PEAR1: variants seen among roughly 807,000 people sequenced by gnomAD.
PEAR1 encodes the protein multiple EGF-like domains protein 12.
Under a neutral mutation model 131.2 loss-of-function variants are expected in PEAR1, and 113 were observed. The observed-to-expected ratio is 0.86, with a 90% CI of 0.74 to 1.01. PEAR1 has a LOEUF of 1.01. PEAR1 is among the 50% of genes least tolerant of loss of function. The probability of loss-of-function intolerance (pLI) is 0.00; values close to 1 mark genes in which losing one functional copy is unlikely to be tolerated. For missense variants in PEAR1, 1,408 were observed against 1,391.1 expected (o/e 1.01, Z -0.19); for synonymous variants, 565 against 523.3 (o/e 1.08, Z -1.09).
At chr1:156,911,036 TTTTTCTTTCTTTC>T (rs1466207509) in intron 15 of PEAR1, among the ~76,000 whole-genome samples, 1 of 145,144 alleles carries the variant, frequency 6.9e-6, no homozygotes, top group East Asian at 2.0e-4. Flanking sequence ...TCTTGATTTC[TTTTTCTTTCTTTC>T]TTTCTTTCTT....
intron 20 of PEAR1, 34 bp from the exon 21 acceptor site, chr1:156,913,658 G>A (rs757060380): frequency 3.9e-5 from 62 of 1,609,744 alleles, no homozygotes; most frequent in Non-Finnish European, 5.3e-5. Context: ...GGAGGGGACA[G>A]AGGGCTGATT....
rs576198315 is a variant in PEAR1 at position 156,908,886 on chromosome 1, C to G, written c.1291-30C>G. 1 of 1,610,176 alleles carries G rather than the reference C, an allele frequency of 6.2e-7. No homozygotes were observed. On this transcript the variant is annotated intron_variant, in intron 10 of 22. Transcript: ENST00000292357. The surrounding 1 kb of genome is among the most constrained non-coding windows in gnomAD (Gnocchi z 4.2). ...CAGGTGGAGAGGCCAAGGAATGGGC[C>G]GCCCCTCTCACCCGCTCACCCTCTT...
intron 3 of PEAR1, 37 bp from the exon 4 acceptor site, chr1:156,905,287 C>A: frequency 6.3e-7 from 1 of 1,594,026 alleles, no homozygotes; most frequent in Admixed American, 1.7e-5. Flanking sequence ...GTGCGGACAG[C>A]AGGGAGGGCT....
chr1:156,908,039 A>T lies in PEAR1; in HGVS notation c.890A>T (p.Tyr297Phe). The stretch of plus-strand genomic sequence containing the variant: ...GGGCAGTGCCGCTGCGCTCCGGGTT[A>T]CACTGGGGATCGGTGAGTGGCGTGG... ...FTGQCRCAPG[Y>F]TGDRCREECP... Residue 297 changes from tyrosine (Y) to phenylalanine (F), a missense_variant, in exon 8 of 23, where the codon TAC becomes TTC. Coordinates refer to ENST00000292357, the MANE Select transcript of PEAR1 (RefSeq NM_001080471.3). This position sits in a 1 kb window ranked among gnomAD's most constrained non-coding sequence, Gnocchi z 4.2. The T allele has an allele frequency of 3.3e-6, 5 of 1,510,212 alleles. No homozygotes were observed. The highest frequency in any genetic ancestry group is 4.5e-6 in the Non-Finnish European group (5 of 1,118,614). The allele number at this position is 1,510,212 out of a possible 1,614,324, so 93.6% of individuals were successfully genotyped here. A position where few individuals can be genotyped will look rare whatever the true frequency, so the allele number is the denominator to read the frequency against.
In PEAR1 at chr1:156,908,608, G is replaced by T. The variant is rs1178976049; in HGVS notation, c.1116-47G>T. 5.9e-5 allele frequency: 86 copies of T among 1,466,294 alleles called. No individual in the cohort carries two copies. The highest frequency in any genetic ancestry group is 7.2e-5 in the Non-Finnish European group (80 of 1,107,228). The allele number at this position is 1,466,294 out of a possible 1,614,324, so 90.8% of individuals were successfully genotyped here. Reference sequence around the variant, plus strand: ...CGCGGAGGGGTCGGGAAGCTGCCCTGCCCCTGCCCAGCTCAGACCGCGCCA... The same window carrying T: ...CGCGGAGGGGTCGGGAAGCTGCCCTTCCCCTGCCCAGCTCAGACCGCGCCA... On this transcript the variant is annotated intron_variant, in intron 9 of 22. Coordinates refer to ENST00000292357, the MANE Select transcript of PEAR1 (RefSeq NM_001080471.3). This position sits in a 1 kb window ranked among gnomAD's most constrained non-coding sequence, Gnocchi z 4.2.
In PEAR1 at chr1:156,911,826, T is replaced by C. The variant is rs147227907; in HGVS notation, c.1952-421T>C. ...AGAAGGAAGTCATCTTGGTGAAGAG[T>C]TTTTCCATAGACTCTGGTTACAACT... On this transcript the variant is annotated intron_variant, in intron 15 of 22. Transcript: ENST00000292357. Among the ~76,000 whole-genome samples, 1,318 of 151,668 alleles carry C rather than the reference T, an allele frequency of 8.7e-3. 16 individuals carry two copies. Among genetic ancestry groups the C allele is most frequent in the African/African-American group, 0.03 (1,225 of 41,330 alleles).
chr1:156,913,080 A>G, intron 18 of PEAR1, 98 bp downstream of exon 18: 4 of 1,560,954 alleles, frequency 2.6e-6, no homozygotes, highest in Non-Finnish European at 3.5e-6. Context: ...AGGAGTGGGG[A>G]GGAGGGAGGA....
In PEAR1 at chr1:156,915,170, A is replaced by T. The variant is rs191927641; in HGVS notation, c.*372A>T. The T allele has an allele frequency of 3.2e-5, 6 of 187,904 alleles. No individual in the cohort carries two copies. Among genetic ancestry groups the T allele is most frequent in the African/African-American group, 4.7e-5 (2 of 42,688 alleles). 11.6% of individuals were successfully genotyped at this position (187,904 alleles called of 1,614,324 possible). A position where few individuals can be genotyped will look rare whatever the true frequency, so the allele number is the denominator to read the frequency against. On this transcript the variant is annotated 3_prime_UTR_variant, in exon 23 of 23. Transcript: ENST00000292357. The stretch of plus-strand genomic sequence containing the variant: ...GTTTCTGTGATTTTAGAAGGGTACC[A>T]GGCACAGGTTCTGTCCTAGGGCACT...
At chr1:156,895,515 G>C (rs775801882) in intron 1 of PEAR1, among the ~76,000 whole-genome samples, 1 of 152,230 alleles carries the variant, frequency 6.6e-6, no homozygotes, top group Non-Finnish European at 1.5e-5. Flanking sequence ...ACCTACAGGG[G>C]AGAAGCCAGA....
rs745468078 is a variant in PEAR1 at position 156,911,200 on chromosome 1, T to TTTTC, written c.1951+474_1951+477dup. Among the ~76,000 whole-genome samples the TTTTC allele has an allele frequency of 8.2e-4, 94 of 114,262 alleles. 2 individuals are homozygous for TTTTC. Among genetic ancestry groups the TTTTC allele is most frequent in the African/African-American group, 3.2e-3 (85 of 26,684 alleles). 75.0% of individuals were successfully genotyped at this position (114,262 alleles called of 152,430 possible). ...CTTTTCTTTCTTCTTTCTTTCTTTC[T>TTTTC]TTTCTTTCTTTCTTTCTTTCCTTTC... On this transcript the variant is annotated intron_variant, in intron 15 of 22. Coordinates refer to ENST00000292357, the MANE Select transcript of PEAR1 (RefSeq NM_001080471.3).
intron 1 of PEAR1, among the ~76,000 whole-genome samples, chr1:156,903,174 G>A (rs1219131840): frequency 1.3e-5 from 2 of 152,126 alleles, no homozygotes; most frequent in South Asian, 2.1e-4. Flanking sequence ...CTCTGGGCCC[G>A]TATGAGGTGG....
At chr1:156,895,217 TCTC>T (rs1319783232) in intron 1 of PEAR1, among the ~76,000 whole-genome samples, 2 of 152,044 alleles carry the variant, frequency 1.3e-5, no homozygotes, top group East Asian at 1.9e-4. Flanking sequence ...CCCCTCAACA[TCTC>T]CTATCAGACT....
intron 1 of PEAR1, among the ~76,000 whole-genome samples, chr1:156,898,035 G>C (rs1404133703): frequency 6.6e-6 from 1 of 152,096 alleles, no homozygotes; most frequent in African/African-American, 2.4e-5. Context: ...TGTCACCCAG[G>C]GTTTACCTCC....
At chr1:156,909,671 T>A in intron 11 of PEAR1, 80 bp from the exon 12 acceptor site, 1 of 1,462,258 alleles carries the variant, frequency 6.8e-7, no homozygotes, top group Non-Finnish European at 9.3e-7. Context: ...GCATAGAATC[T>A]GGCCCAGCCA....
Position 156,908,316 on chromosome 1 carries a change from C to T in PEAR1, c.1091C>T (p.Thr364Ile). Reference sequence around the variant, plus strand: ...GGTCTCAGCTGCCAGGCCCCCTGCACCTGCGACCGGGAGCACAGCCTCAGG... The same window carrying T: ...GGTCTCAGCTGCCAGGCCCCCTGCATCTGCGACCGGGAGCACAGCCTCAGG... ...FYGLSCQAPC[T>I]CDREHSLSCH... is the part of the protein sequence containing the mutation. The change falls in exon 9 of 23, where the codon ACC (threonine) becomes ATC (isoleucine). Residue 364 changes from threonine (T) to isoleucine (I), a missense_variant. Physicochemically the swap from Thr to Ile is moderately conservative, Grantham distance 89. Transcript: ENST00000292357. The surrounding 1 kb of genome is among the most constrained non-coding windows in gnomAD (Gnocchi z 4.2). 2 of 1,552,666 alleles carry T rather than the reference C, an allele frequency of 1.3e-6. No individual in the cohort carries two copies. The highest frequency in any genetic ancestry group is 1.7e-6 in the Non-Finnish European group (2 of 1,153,238).
chr1:156,905,544 T>G (rs895734377), intron 4 of PEAR1, 120 bp downstream of exon 4: 4 of 859,418 alleles, frequency 4.7e-6, no homozygotes, highest in Middle Eastern at 2.9e-4. Flanking sequence ...CCCTTTTGGG[T>G]TCCCCCCTCC....
intron 13 of PEAR1, 58 bp downstream of exon 13, chr1:156,910,166 G>A: frequency 6.2e-7 from 1 of 1,613,512 alleles, no homozygotes; most frequent in Non-Finnish European, 8.5e-7. Flanking sequence ...CATAGGAAAT[G>A]TGTCCAGAAG....
At chr1:156,913,021 G>GA (rs1356698836) in intron 18 of PEAR1, 39 bp downstream of exon 18, 1 of 1,608,460 alleles carries the variant, frequency 6.2e-7, no homozygotes, top group Non-Finnish European at 8.5e-7. Flanking sequence ...ATGAGTGGCT[G>GA]GCTCATAGGC....
At chr1:156,907,838 TG>T in intron 7 of PEAR1, 76 bp from the exon 8 acceptor site, 2 of 1,553,078 alleles carry the variant, frequency 1.3e-6, no homozygotes, top group Admixed American at 1.8e-5. Flanking sequence ...TCTGTGGTTA[TG>T]GGGGTGTCAA....
Sources: allele counts gnomAD v4.1 joint callset (sites outside exome capture counted in the v4.1 genomes callset), GRCh38; gene constraint gnomAD v4.1.1; non-coding constraint Gnocchi (gnomAD v3.1); transcripts MANE v1.5; gene names NCBI Gene and HGNC (gene_info 2026-07-23, HGNC 2026-07-21).